LRP12: variants seen among roughly 807,000 people sequenced by gnomAD.
The protein encoded by LRP12 is LDL receptor related protein 12.
LRP12 carries 14 observed loss-of-function variants against 66.0 expected under a neutral mutation model. The ratio of observed to expected loss-of-function variants is 0.21; its 90% CI spans 0.14 to 0.33. The LOEUF is 0.33. LRP12 is among the 10% of genes least tolerant of loss of function. The pLI is 1.00. For missense variants in LRP12, 889 were observed against 1,053.4 expected (o/e 0.84, Z 2.16); for synonymous variants, 357 against 359.1 (o/e 0.99, Z 0.07).
chr8:104,534,511 T>C (rs770124269), intron 1 of LRP12, among the ~76,000 whole-genome samples: 3 of 152,056 alleles, frequency 2.0e-5, no homozygotes, highest in Non-Finnish European at 4.4e-5. Flanking sequence ...TTCCCATCAT[T>C]CTGGATAAAC....
At chr8:104,508,861 C>A in intron 3 of LRP12, 78 bp downstream of exon 3, 1 of 1,271,842 alleles carries the variant, frequency 7.9e-7, no homozygotes, top group South Asian at 1.5e-5. Flanking sequence ...TATATTACTG[C>A]ATGTTAAGTA....
chr8:104,569,048 C>T (rs1812042695), intron 1 of LRP12, among the ~76,000 whole-genome samples: 1 of 152,072 alleles, frequency 6.6e-6, no homozygotes, highest in African/African-American at 2.4e-5. Flanking sequence ...TGAACAGATA[C>T]ACAAAGTAGA....
At chr8:104,518,471 C>A (rs930592336) in intron 2 of LRP12, among the ~76,000 whole-genome samples, 2 of 151,962 alleles carry the variant, frequency 1.3e-5, no homozygotes, top group Non-Finnish European at 1.5e-5. Flanking sequence ...CCTATAACAT[C>A]TGGAAAAATT....
At chr8:104,525,359 C>T (rs985746288) in intron 2 of LRP12, among the ~76,000 whole-genome samples, 4 of 151,862 alleles carry the variant, frequency 2.6e-5, no homozygotes, top group African/African-American at 9.7e-5. Context: ...TTATGCCAAC[C>T]CTGTAGCATC....
intron 1 of LRP12, among the ~76,000 whole-genome samples, chr8:104,544,192 C>A (rs1811521305): frequency 1.3e-5 from 2 of 152,272 alleles, no homozygotes; most frequent in African/African-American, 2.4e-5. Context: ...TAACACAGAG[C>A]AAGGCACACA....
intron 2 of LRP12, among the ~76,000 whole-genome samples, chr8:104,518,560 T>C (rs191865989): frequency 6.6e-6 from 1 of 152,176 alleles, no homozygotes; most frequent in East Asian, 1.9e-4. Flanking sequence ...GAACTATTGG[T>C]CCTACATTAA....
chr8:104,546,985 T>TTGTATATATAATTATATATTC (rs1811573464), intron 1 of LRP12, among the ~76,000 whole-genome samples: 1 of 144,882 alleles, frequency 6.9e-6, no homozygotes, highest in African/African-American at 2.5e-5. Context: ...TCTATACATT[T>TTGTATATATAATTATATATTC]TGTATATAAT....
At chr8:104,517,608 C>T (rs192465654) in intron 2 of LRP12, among the ~76,000 whole-genome samples, 138 of 152,110 alleles carry the variant, frequency 9.1e-4, no homozygotes, top group Non-Finnish European at 1.4e-3. Flanking sequence ...GAAAGTTTCA[C>T]GACAGCAAAA....
At chr8:104,581,314 G>A (rs1440766475) in intron 1 of LRP12, among the ~76,000 whole-genome samples, 2 of 151,612 alleles carry the variant, frequency 1.3e-5, no homozygotes, top group African/African-American at 2.4e-5. Flanking sequence ...CAAAGGAGAG[G>A]ATCAGAAAAA....
intron 2 of LRP12, among the ~76,000 whole-genome samples, chr8:104,518,514 C>A (rs1811104154): frequency 6.6e-6 from 1 of 151,998 alleles, no homozygotes; most frequent in Non-Finnish European, 1.5e-5. Flanking sequence ...GTTTCAATAG[C>A]ATTTAAATGA....
chr8:104,579,280 C>T (rs1019015145), intron 1 of LRP12, among the ~76,000 whole-genome samples: 1 of 152,030 alleles, frequency 6.6e-6, no homozygotes, highest in Admixed American at 6.6e-5. Flanking sequence ...TTCCTATACA[C>T]CAACAACAGT....
intron 1 of LRP12, among the ~76,000 whole-genome samples, chr8:104,532,695 T>G (rs1452311996): frequency 6.6e-6 from 1 of 152,128 alleles, no homozygotes; most frequent in African/African-American, 2.4e-5. Flanking sequence ...GAATTTTCTT[T>G]CATGGTTGAG....
rs987886388 is a variant in LRP12, at chr8:104,499,975, G to A, written c.273-456C>T. 5.3e-5 allele frequency among the ~76,000 whole-genome samples: 8 copies of A among 152,278 alleles called. No homozygotes were observed. The South Asian group carries it at 8.3e-4, about 16-fold the overall frequency. On this transcript the variant is annotated intron_variant, in intron 3 of 6. Transcript: ENST00000276654. Reference sequence around the variant, plus strand: ...AAAAGTTTGCAGCTGACATTCTTAGGAGAGTAATTAGCACAAATCTGAGCA... The same window carrying A: ...AAAAGTTTGCAGCTGACATTCTTAGAAGAGTAATTAGCACAAATCTGAGCA...
At chr8:104,502,812 CT>C (rs1469938170) in intron 3 of LRP12, among the ~76,000 whole-genome samples, 1 of 151,996 alleles carries the variant, frequency 6.6e-6, no homozygotes, top group Non-Finnish European at 1.5e-5. Flanking sequence ...AACTTAATAG[CT>C]CTTGTTTATG....
rs1314150318 is a variant in LRP12 at position 104,491,015 on chromosome 8, T to C, written c.2238A>G (p.Arg746=). 1.9e-6 allele frequency: 3 copies of C among 1,614,144 alleles called. No individual in the cohort carries two copies. Among genetic ancestry groups the C allele is most frequent in the Non-Finnish European group, 2.5e-6 (3 of 1,180,032 alleles). The change falls in exon 7 of 7, where the codon CGA becomes CGG. Residue 746 remains arginine (R), a synonymous_variant. Coordinates refer to ENST00000276654, the MANE Select transcript of LRP12 (RefSeq NM_013437.5). ...TCTGGTTCTGACTTAGGGAACTTGA[T>C]CGTCCTAATGTAAAACGTACCCAGC... ...GLRWVRFTLG[R]SSSLSQNQSP...
At chr8:104,509,109 T>A (rs1262561176) in intron 2 of LRP12, 35 bp from the exon 3 acceptor site, 2 of 1,603,326 alleles carry the variant, frequency 1.2e-6, no homozygotes, top group East Asian at 2.2e-5. Flanking sequence ...TCCTTATTAT[T>A]ACACATTTAA....
chr8:104,581,621 G>T (rs889713352), intron 1 of LRP12, among the ~76,000 whole-genome samples: 1 of 151,956 alleles, frequency 6.6e-6, no homozygotes, highest in East Asian at 1.9e-4. Flanking sequence ...TTTTAAGCAA[G>T]AAAGTTACAT....
chr8:104,565,285 T>C (rs1811980551), intron 1 of LRP12, among the ~76,000 whole-genome samples: 1 of 152,106 alleles, frequency 6.6e-6, no homozygotes, highest in Non-Finnish European at 1.5e-5. Flanking sequence ...GTCCGCCAAA[T>C]AGCAAACGGT....
intron 6 of LRP12, among the ~76,000 whole-genome samples, chr8:104,492,530 T>C (rs1810652056): frequency 6.6e-6 from 1 of 152,184 alleles, no homozygotes; most frequent in East Asian, 1.9e-4. Context: ...CTTCAGTTGA[T>C]GATACCATCT....
Sources: allele counts gnomAD v4.1 joint callset (sites outside exome capture counted in the v4.1 genomes callset), GRCh38; gene constraint gnomAD v4.1.1; transcripts MANE v1.5; gene names NCBI Gene and HGNC (gene_info 2026-07-23, HGNC 2026-07-21).